The following ALK variants were observed in gnomAD, a reference collection of about 807,000 sequenced individuals.
The protein encoded by ALK is ALK tyrosine kinase receptor.
Under a neutral mutation model 163.1 loss-of-function variants are expected in ALK, and 74 were observed. That is an observed-to-expected ratio of 0.45 (90% CI 0.38 to 0.55). The LOEUF (loss-of-function observed/expected upper bound fraction) is 0.55. ALK is among the 20% of genes least tolerant of loss of function. The probability of loss-of-function intolerance (pLI) is 0.00; values close to 1 mark genes in which losing one functional copy is unlikely to be tolerated. For missense variants in ALK, 2,063 were observed against 2,105.3 expected, an observed-to-expected ratio of 0.98 and a Z score of 0.39; for synonymous variants, 960 against 843.2, an observed-to-expected ratio of 1.14 and a Z score of -2.40.
chr2:29,512,449 A>C (rs13385435), intron 4 of ALK, among the ~76,000 whole-genome samples: 33,762 of 140,632 alleles, frequency 0.24, 4,341 homozygotes, highest in African/African-American at 0.3. Context: ...ATTCAACAAG[A>C]CTTCATGCTA....
chr2:29,371,410 C>T (rs530286728), intron 5 of ALK, among the ~76,000 whole-genome samples: 6 of 152,346 alleles, frequency 3.9e-5, no homozygotes, highest in African/African-American at 1.2e-4. Flanking sequence ...AAGACTTCAG[C>T]GTGAGCTTCC....
At chr2:29,439,447 C>T (rs955561539) in intron 4 of ALK, among the ~76,000 whole-genome samples, 1 of 151,846 alleles carries the variant, frequency 6.6e-6, no homozygotes, top group African/African-American at 2.4e-5. Flanking sequence ...CAATTCAATG[C>T]GATGGAAGGT....
rs34808229 is a variant in ALK at position 29,455,719 on chromosome 2, T to A, written c.1155-71860A>T. ...AAACCACTTGACTGACTAAGAGAAG[T>A]AAGAGAAATGGGAATTCAAAAGCTT... On this transcript the variant is annotated intron_variant, in intron 4 of 28. Coordinates refer to ENST00000389048, the MANE Select transcript of ALK (RefSeq NM_004304.5). 3.3e-3 allele frequency among the ~76,000 whole-genome samples: 508 copies of A among 152,286 alleles called. 3 individuals carry two copies. Among genetic ancestry groups the A allele is most frequent in the Middle Eastern group, 0.014 (4 of 294 alleles).
chr2:29,649,304 G>A lies in ALK; in HGVS notation c.952+45546C>T, dbSNP rs187419409. ...TGTTTCATATTTATTCCTGCTCCCC[G>A]TATTGACTCTGAGACCCTCACCCCA... On this transcript the variant is annotated intron_variant, in intron 3 of 28. Coordinates refer to ENST00000389048, the MANE Select transcript of ALK (RefSeq NM_004304.5). Among the ~76,000 whole-genome samples the A allele has an allele frequency of 1.5e-4, 23 of 151,618 alleles. No individual in the cohort carries two copies. The East Asian group carries it at 2.1e-3, about 14-fold the overall frequency.
chr2:29,342,779 T>C (rs928477143), intron 5 of ALK, among the ~76,000 whole-genome samples: 7 of 151,964 alleles, frequency 4.6e-5, no homozygotes, highest in Non-Finnish European at 1.0e-4. Flanking sequence ...TCCAGTGGAA[T>C]CTACCGGTGT....
At chr2:29,442,957 T>C (rs1423574698) in intron 4 of ALK, among the ~76,000 whole-genome samples, 1 of 152,204 alleles carries the variant, frequency 6.6e-6, no homozygotes, top group Non-Finnish European at 1.5e-5. Context: ...TAAGGTTAAT[T>C]GCCACATGGT....
At chr2:29,592,960 G>A (rs1675103236) in intron 3 of ALK, among the ~76,000 whole-genome samples, 1 of 152,188 alleles carries the variant, frequency 6.6e-6, no homozygotes, top group Non-Finnish European at 1.5e-5. Flanking sequence ...CCAGAGCTGC[G>A]AGATAATACA....
intron 6 of ALK, among the ~76,000 whole-genome samples, chr2:29,327,777 G>A (rs1667314844): frequency 6.6e-6 from 1 of 152,348 alleles, no homozygotes; most frequent in African/African-American, 2.4e-5. Flanking sequence ...CCACTGGATT[G>A]TGGGGGAAGG....
intron 9 of ALK, among the ~76,000 whole-genome samples, chr2:29,289,509 A>G (rs534467386): frequency 3.3e-4 from 51 of 152,310 alleles, no homozygotes; most frequent in African/African-American, 1.2e-3. Context: ...CAGCCCCTGT[A>G]GCTTCGGGAA....
chr2:29,679,400 G>T (rs150483768), intron 3 of ALK, among the ~76,000 whole-genome samples: 1 of 150,472 alleles, frequency 6.6e-6, no homozygotes. Flanking sequence ...CATTTTAATC[G>T]TTTATTTATT....
intron 5 of ALK, among the ~76,000 whole-genome samples, chr2:29,379,172 A>C (rs568701171): frequency 6.6e-6 from 1 of 152,116 alleles, no homozygotes; most frequent in Admixed American, 6.5e-5. Context: ...GAATGGGCTA[A>C]GGGTTCCCTG....
chr2:29,268,345 T>TAGGGCAAGGTCAAGTG (rs1665292558), intron 11 of ALK, among the ~76,000 whole-genome samples: 1 of 152,240 alleles, frequency 6.6e-6, no homozygotes, highest in Non-Finnish European at 1.5e-5. Context: ...ATGCACCATC[T>TAGGGCAAGGTCAAGTG]AGGGCAAGGT....
intron 1 of ALK, among the ~76,000 whole-genome samples, chr2:29,873,641 G>A (rs562544513): frequency 8.9e-4 from 135 of 152,190 alleles, no homozygotes; most frequent in African/African-American, 3.1e-3. Context: ...GAAGAGAATT[G>A]AGCATCTGGA....
At position 29,674,595 on chromosome 2, in the gene ALK, T is replaced by G. The variant is rs1392725168; in HGVS notation, c.952+20255A>C. On this transcript the variant is annotated intron_variant, in intron 3 of 28. Transcript: ENST00000389048. ...GTTTTGCCAGTATTTTATTGAGGAT[T>G]TTTGCATCAATGTTCATCAAGGATA... Among the ~76,000 whole-genome samples, 3 of 151,312 alleles carry G rather than the reference T, an allele frequency of 2.0e-5. No homozygotes were observed. In the South Asian group the frequency reaches 6.3e-4, roughly 32 times the overall value.
intron 1 of ALK, among the ~76,000 whole-genome samples, chr2:29,874,376 ACACT>A (rs148699570): frequency 0.018 from 2,787 of 152,202 alleles, 90 homozygotes; most frequent in African/African-American, 0.064. Flanking sequence ...AAACCCAAAG[ACACT>A]CAGTGAAATA....
intron 1 of ALK, among the ~76,000 whole-genome samples, chr2:29,842,650 C>T (rs2148395574): frequency 6.6e-6 from 1 of 152,328 alleles, no homozygotes; most frequent in East Asian, 1.9e-4. Context: ...GCATGGACCA[C>T]AGGCTGGGAC....
rs543968480 is a variant in ALK at position 29,827,849 on chromosome 2, G to A, written c.667+92144C>T. 7.0e-4 allele frequency among the ~76,000 whole-genome samples: 107 copies of A among 152,274 alleles called. 1 individual carries two copies. The highest frequency in any genetic ancestry group is 2.4e-3 in the African/African-American group (100 of 41,562). ...TTCATATGGAACCAAAAAAGAGCCCGCATTTCCAAGTCAATCCTAAGCCAA... is the reference window on the plus strand; with the variant it reads ...TTCATATGGAACCAAAAAAGAGCCCACATTTCCAAGTCAATCCTAAGCCAA... On this transcript the variant is annotated intron_variant, in intron 1 of 28. Transcript: ENST00000389048.
At chr2:29,460,506 C>T (rs1671059543) in intron 4 of ALK, among the ~76,000 whole-genome samples, 1 of 152,142 alleles carries the variant, frequency 6.6e-6, no homozygotes, top group East Asian at 1.9e-4. Flanking sequence ...TGTGTGCTCA[C>T]TTGTCTCTGT....
At chr2:29,392,714 G>C (rs1233226464) in intron 4 of ALK, among the ~76,000 whole-genome samples, 5 of 152,198 alleles carry the variant, frequency 3.3e-5, no homozygotes. Flanking sequence ...GGAGGAGTAG[G>C]AGTAGACTGA....
Sources: allele counts gnomAD v4.1 joint callset (sites outside exome capture counted in the v4.1 genomes callset), GRCh38; gene constraint gnomAD v4.1.1; transcripts MANE v1.5; gene names NCBI Gene and HGNC (gene_info 2026-07-23, HGNC 2026-07-21).